Variants in ATM observed in about 807,000 individuals in gnomAD.
ATM encodes the protein ATM serine/threonine kinase.
ATM carries 308 observed loss-of-function variants against 387.0 expected under a neutral mutation model. That is an observed-to-expected ratio of 0.80 (90% confidence interval 0.73 to 0.87). ATM has a LOEUF of 0.87. Among genes scored for constraint, ATM ranks in the 40% least tolerant of loss-of-function variants. ATM has a pLI of 0.00. For missense variants in ATM, 3,312 were observed against 3,560.9 expected (o/e 0.93, Z 1.78); for synonymous variants, 1,156 against 1,187.3 (o/e 0.97, Z 0.54).
rs1064793513 is a variant in ATM at position 108,267,257 on chromosome 11, T to G, written c.2553T>G (p.Asp851Glu). The change falls in exon 17 of 63, where the codon GAT becomes GAG. Residue 851 changes from aspartate to glutamate, a missense_variant. By Grantham distance (45) the Asp-to-Glu change is conservative. Coordinates refer to ENST00000675843, the MANE Select transcript of ATM (RefSeq NM_000051.4). ...ATGGAAATCTAATGGAGGTGGAGGA[T>G]CAGTCATCCATGAATCTATTTAACG... ...DTNGNLMEVE[D>E]QSSMNLFNDY... The G allele has an allele frequency of 1.9e-6, 3 of 1,614,018 alleles. No individual in the cohort carries two copies. The highest frequency in any genetic ancestry group is 2.5e-6 in the Non-Finnish European group (3 of 1,179,912).
intron 37 of ATM, 94 bp downstream of exon 37, chr11:108,304,946 T>A (rs2083611803): frequency 7.1e-7 from 1 of 1,418,154 alleles, no homozygotes; most frequent in African/African-American, 1.4e-5. Flanking sequence ...CTTTACAGGA[T>A]TAAATCTATA....
intron 1 of ATM, chr11:108,227,002 A>G (rs1591443163): frequency 1.3e-5 from 2 of 152,256 alleles, no homozygotes; most frequent in African/African-American, 2.4e-5. Context: ...TCAGAGTAAT[A>G]AAAAGTAAAT....
intron 8 of ATM, among the ~76,000 whole-genome samples, chr11:108,248,713 ACT>A (rs1259681246): frequency 6.6e-6 from 1 of 151,802 alleles, no homozygotes; most frequent in Non-Finnish European, 1.5e-5. Context: ...ACATGGAGAA[ACT>A]CTGTCCCTAC....
intron 18 of ATM, among the ~76,000 whole-genome samples, chr11:108,269,429 G>T (rs1409860194): frequency 6.6e-6 from 1 of 152,012 alleles, no homozygotes; most frequent in Non-Finnish European, 1.5e-5. Flanking sequence ...TCTGTCTGTT[G>T]ATAGATATCT....
At chr11:108,360,698 CAT>C (rs1188689428) in intron 61 of ATM, among the ~76,000 whole-genome samples, 2 of 145,696 alleles carry the variant, frequency 1.4e-5, no homozygotes, top group East Asian at 2.0e-4. Flanking sequence ...ACAAAAACCA[CAT>C]GATTATCTCA....
At chr11:108,330,481 T>G (rs1324115378) in intron 50 of ATM, 60 bp downstream of exon 50, 2 of 1,535,430 alleles carry the variant, frequency 1.3e-6, no homozygotes, top group Non-Finnish European at 1.8e-6. Flanking sequence ...CATAAGCCCC[T>G]TGATGTCAGG....
Position 108,246,990 on chromosome 11 carries a change from AG to A in ATM, c.929del (p.Ser310IlefsTer10), listed in dbSNP as rs1591510597. On this transcript the variant is annotated frameshift_variant, in exon 8 of 63. Coordinates refer to ENST00000675843, the MANE Select transcript of ATM (RefSeq NM_000051.4). LOFTEE classifies it high-confidence loss of function. ...TGCTTATGAATCAACAAAATGGAGAAGTATTTTATACAACTTATATGATCTG... is the reference window on the plus strand; with the variant it reads ...TGCTTATGAATCAACAAAATGGAGAATATTTTATACAACTTATATGATCTG... ...KGAYESTKWRSILYNLYDLLV... is the reference protein window; with the variant it reads ...KGAYESTKWRXILYNLYDLLV... 4 of 1,612,132 alleles carry A rather than the reference AG, an allele frequency of 2.5e-6. No individual in the cohort carries two copies. Among genetic ancestry groups the A allele is most frequent in the Non-Finnish European group, 1.7e-6 (2 of 1,178,726 alleles).
intron 1 of ATM, chr11:108,226,262 A>G (rs1395737708): frequency 6.6e-6 from 1 of 152,050 alleles, no homozygotes; most frequent in East Asian, 1.9e-4. Flanking sequence ...TGAGCATAGT[A>G]CCTGATAGGT....
At chr11:108,231,690 C>CT (rs1358652813) in intron 4 of ATM, 1 of 90,940 alleles carries the variant, frequency 1.1e-5, no homozygotes, top group Non-Finnish European at 2.0e-5. Context: ...GAGTGAAACT[C>CT]TGTCTCAAAA....
At chr11:108,265,102 T>C (rs965353965) in intron 16 of ATM, among the ~76,000 whole-genome samples, 3 of 150,244 alleles carry the variant, frequency 2.0e-5, no homozygotes, top group Non-Finnish European at 4.4e-5. Flanking sequence ...AAGCTACCAA[T>C]GACTTTCTTC....
Position 108,251,992 on chromosome 11 carries a change from A to G in ATM, c.1763A>G (p.Asp588Gly), listed in dbSNP as rs2080177696. ...KWLLFYQLEG[D>G]LENSTEVPPI... ...CTCTTATTCTATCAGTTAGAGGGTGACTTAGAAAATAGCACAGAAGTGCCT... is the reference window on the plus strand; with the variant it reads ...CTCTTATTCTATCAGTTAGAGGGTGGCTTAGAAAATAGCACAGAAGTGCCT... Residue 588 changes from aspartate (D) to glycine (G), a missense_variant, in exon 11 of 63, where the codon GAC becomes GGC. Physicochemically the swap from Asp to Gly is moderately conservative, Grantham distance 94. Coordinates refer to ENST00000675843, the MANE Select transcript of ATM (RefSeq NM_000051.4). The G allele has an allele frequency of 3.1e-6, 5 of 1,613,324 alleles. No individual in the cohort carries two copies. The South Asian group carries it at 4.4e-5, about 14-fold the overall frequency.
chr11:108,262,518 G>A (rs1448378314), intron 16 of ATM, among the ~76,000 whole-genome samples: 27 of 152,272 alleles, frequency 1.8e-4, no homozygotes, highest in Middle Eastern at 3.4e-3. Context: ...GGTACCAGCC[G>A]CTGCAAAATC....
At chr11:108,350,481 T>G (rs2089057365) in intron 59 of ATM, among the ~76,000 whole-genome samples, 1 of 152,246 alleles carries the variant, frequency 6.6e-6, no homozygotes, top group Non-Finnish European at 1.5e-5. Context: ...GACTCATTTC[T>G]GGAGTACAAC....
intron 4 of ATM, 135 bp from the exon 5 acceptor site, chr11:108,235,535 T>C: frequency 1.2e-6 from 1 of 805,506 alleles, no homozygotes; most frequent in Non-Finnish European, 1.9e-6. Context: ...GGGCCATAAT[T>C]TGCCAATTTC....
chr11:108,325,859 T>C (rs113858992), intron 46 of ATM, among the ~76,000 whole-genome samples, 199 bp from the exon 47 acceptor site: 2 of 152,028 alleles, frequency 1.3e-5, no homozygotes, highest in African/African-American at 2.4e-5. Context: ...TACATACATA[T>C]AGAGAGAGAC....
chr11:108,329,132 A>G lies in ATM; in HGVS notation c.7201A>G (p.Ile2401Val), dbSNP rs1565526813. 1 of 1,614,160 alleles carries G rather than the reference A, an allele frequency of 6.2e-7. No individual in the cohort carries two copies. The highest frequency in any genetic ancestry group is 2.2e-5 in the East Asian group (1 of 44,838). Residue 2401 changes from isoleucine to valine, a missense_variant, in exon 49 of 63, where the codon ATT (isoleucine) becomes GTT (valine). Ile to Val is a conservative substitution (Grantham distance 29, BLOSUM62 3). Around this residue, in one of 4 missense-constraint regions of ATM, gnomAD observed 1,405 missense variants for 1,604.4 expected, o/e 0.88. Transcript: ENST00000675843. ...ARFSDTQYQR[I>V]ENYMKSSEFE... ...GTTTTCAGATACTCAATACCAAAGA[A>G]TTGAAAACTACATGAAATCATCGGA...
intron 7 of ATM, 89 bp from the exon 8 acceptor site, chr11:108,246,875 G>A (rs1331654392): frequency 1.9e-6 from 2 of 1,079,792 alleles, no homozygotes; most frequent in Non-Finnish European, 2.8e-6. Context: ...TAACGCTGAT[G>A]CAGCTTGACA....
At chr11:108,318,436 A>C (rs1015557094) in intron 43 of ATM, among the ~76,000 whole-genome samples, 1 of 152,078 alleles carries the variant, frequency 6.6e-6, no homozygotes, top group African/African-American at 2.4e-5. Context: ...CACACCTGTA[A>C]TCCCAGCACT....
In ATM at chr11:108,330,107, G is replaced by C. The variant is rs1009945495; in HGVS notation, c.7308-107G>C. The C allele has an allele frequency of 2.7e-5, 34 of 1,262,626 alleles. No homozygotes were observed. In the Admixed American group the frequency reaches 4.6e-4, roughly 17 times the overall value. The allele number at this position is 1,262,626 out of a possible 1,614,324, so 78.2% of individuals were successfully genotyped here. On this transcript the variant is annotated intron_variant, in intron 49 of 62. Coordinates refer to ENST00000675843, the MANE Select transcript of ATM (RefSeq NM_000051.4). ...TCCTTAGAAGTTTGCTTTTTTCCCT[G>C]GGATAAAAACCCAACTTTTTTCATT...
Sources: allele counts gnomAD v4.1 joint callset (sites outside exome capture counted in the v4.1 genomes callset), GRCh38; gene constraint gnomAD v4.1.1; regional missense constraint gnomAD v4.1.1; transcripts MANE v1.5; gene names NCBI Gene and HGNC (gene_info 2026-07-23, HGNC 2026-07-21).